The following DMD variants were observed in gnomAD, a reference collection of about 807,000 sequenced individuals.
DMD encodes the protein mutant dystrophin.
DMD carries 63 observed loss-of-function variants against 330.1 expected under a neutral mutation model. The observed-to-expected ratio is 0.19, with a 90% CI of 0.16 to 0.24. The LOEUF is 0.24. DMD is among the 10% of genes least tolerant of loss of function. The pLI is 1.00. For missense variants in DMD, 3,344 were observed against 2,684.1 expected, an observed-to-expected ratio of 1.25 and a Z score of -5.43; for synonymous variants, 1,223 against 959.8, an observed-to-expected ratio of 1.27 and a Z score of -5.07.
chrX:31,864,914 A>T (rs1484845926), intron 48 of DMD, among the ~76,000 whole-genome samples: 1 of 112,216 alleles, frequency 8.9e-6, no homozygotes, highest in African/African-American at 3.2e-5. Context: ...GCCTTATCTA[A>T]CAGAGTCCCA....
At chrX:32,384,780 ATGT>A (rs1224460805) in intron 33 of DMD, among the ~76,000 whole-genome samples, 1 of 110,942 alleles carries the variant, frequency 9.0e-6, no homozygotes, top group Admixed American at 9.6e-5. Context: ...TTTATCAGTG[ATGT>A]TGTTCTATTC....
chrX:32,731,201 G>A (rs913982412), intron 7 of DMD, among the ~76,000 whole-genome samples: 16 of 112,135 alleles, frequency 1.4e-4, no homozygotes, highest in Non-Finnish European at 2.6e-4. Flanking sequence ...GCGTGTTTCC[G>A]ACGGGCTTAA....
intron 44 of DMD, among the ~76,000 whole-genome samples, chrX:32,088,663 G>T (rs1369540620): frequency 1.1e-5 from 1 of 93,918 alleles, no homozygotes; most frequent in Non-Finnish European, 2.1e-5. Context: ...ATATTTAAAT[G>T]AAAATAGCTC....
At chrX:32,957,495 G>T (rs2146998186) in intron 2 of DMD, among the ~76,000 whole-genome samples, 1 of 111,571 alleles carries the variant, frequency 9.0e-6, no homozygotes, top group African/African-American at 3.2e-5. Flanking sequence ...GGCTTGGTTT[G>T]TGGTCAAGAT....
intron 5 of DMD, among the ~76,000 whole-genome samples, chrX:32,821,723 G>A (rs1240451485): frequency 8.9e-6 from 1 of 111,746 alleles, no homozygotes; most frequent in African/African-American, 3.2e-5. Context: ...AAAAGAACAT[G>A]TATTATATTG....
chrX:31,440,240 C>T (rs1289878431), intron 60 of DMD, among the ~76,000 whole-genome samples: 3 of 108,677 alleles, frequency 2.8e-5, no homozygotes, highest in Non-Finnish European at 3.8e-5. Context: ...ATCCGCCTCC[C>T]GGGTTCAAGC....
chrX:32,712,841 T>A, intron 7 of DMD, among the ~76,000 whole-genome samples: 1 of 111,761 alleles, frequency 8.9e-6, no homozygotes, highest in Admixed American at 9.6e-5. Context: ...CTAGGTTTTA[T>A]ATCACCTTAA....
At chrX:32,365,306 A>T (rs760478863) in intron 34 of DMD, 107 bp from the exon 35 acceptor site, 1 of 745,520 alleles carries the variant, frequency 1.3e-6, no homozygotes, top group African/African-American at 2.1e-5. Context: ...AAGGTTTTAA[A>T]CCTATAACTA....
chrX:31,214,933 T>TTTTCTTG (rs2045202748), intron 64 of DMD, among the ~76,000 whole-genome samples: 3 of 47,678 alleles, frequency 6.3e-5, no homozygotes, highest in South Asian at 2.2e-3. Context: ...TTTATTTCTT[T>TTTTCTTG]TTTCTTTTTT....
chrX:33,148,873 G>T (rs115096263), intron 1 of DMD, among the ~76,000 whole-genome samples: 1 of 110,782 alleles, frequency 9.0e-6, no homozygotes, highest in Non-Finnish European at 1.9e-5. Context: ...AGATAGCTGC[G>T]AATTTTTTTG....
At chrX:32,495,353 A>G (rs2148657764) in intron 19 of DMD, among the ~76,000 whole-genome samples, 1 of 111,676 alleles carries the variant, frequency 9.0e-6, no homozygotes, top group South Asian at 3.7e-4. Flanking sequence ...TCAATAGTGT[A>G]CTCTATATGA....
At chrX:33,006,603 T>C (rs12849156) in intron 2 of DMD, among the ~76,000 whole-genome samples, 6,429 of 111,099 alleles carry the variant, frequency 0.058, 232 homozygotes, top group East Asian at 0.2. Context: ...AAAGATCAAG[T>C]TACTGCTACT....
At chrX:33,259,330 G>A (rs186146797) in intron 1 of DMD, among the ~76,000 whole-genome samples, 1 of 109,877 alleles carries the variant, frequency 9.1e-6, no homozygotes, top group East Asian at 2.9e-4. Flanking sequence ...TACAATGTCA[G>A]CCAAAGTCCA....
chrX:33,322,799 T>C (rs2054034788), intron 1 of DMD, among the ~76,000 whole-genome samples: 1 of 111,750 alleles, frequency 8.9e-6, no homozygotes, highest in African/African-American at 3.2e-5. Context: ...TGCTAAAGAG[T>C]TATAATACTG....
In DMD at chrX:31,625,467, C is replaced by A. The variant is rs571371819; in HGVS notation, c.8217+2206G>T. Reference sequence around the variant, plus strand: ...CAAAGATGGAAAAGAGTAGCCTGATCGACACTGGACTTTATGTGAGCAACA... The same window carrying A: ...CAAAGATGGAAAAGAGTAGCCTGATAGACACTGGACTTTATGTGAGCAACA... On this transcript the variant is annotated intron_variant, in intron 55 of 78. Transcript: ENST00000357033. 5.4e-5 allele frequency among the ~76,000 whole-genome samples: 6 copies of A among 111,666 alleles called. No homozygotes were observed. The South Asian group carries it at 1.1e-3, about 21-fold the overall frequency.
chrX:32,684,018 T>C lies in DMD; in HGVS notation c.960+13852A>G, dbSNP rs940534159. Among the ~76,000 whole-genome samples the C allele has an allele frequency of 5.5e-3, 389 of 70,876 alleles. 4 individuals are homozygous for C. Among genetic ancestry groups the C allele is most frequent in the African/African-American group, 0.027 (312 of 11,541 alleles). 61.5% of individuals were successfully genotyped at this position (70,876 alleles called of 115,157 possible). ...CAAAACACACACACACACACATACA[T>C]ACACACACACACACACACACACACA... On this transcript the variant is annotated intron_variant, in intron 9 of 78. Coordinates refer to ENST00000357033, the MANE Select transcript of DMD (RefSeq NM_004006.3).
At chrX:32,530,676 G>A (rs111690316) in intron 17 of DMD, among the ~76,000 whole-genome samples, 1 of 111,692 alleles carries the variant, frequency 9.0e-6, no homozygotes, top group African/African-American at 3.3e-5. Context: ...AAAACACGTG[G>A]GCAAAAACTG....
intron 55 of DMD, among the ~76,000 whole-genome samples, chrX:31,593,065 T>C: frequency 9.0e-6 from 1 of 111,133 alleles, no homozygotes; most frequent in Non-Finnish European, 1.9e-5. Flanking sequence ...GTTACTCATG[T>C]TGAAATATAT....
chrX:31,157,063 C>A (rs1249595462), intron 74 of DMD, among the ~76,000 whole-genome samples: 7 of 111,741 alleles, frequency 6.3e-5, no homozygotes, highest in Non-Finnish European at 9.4e-5. Context: ...TGACCCAATA[C>A]GCTAGGTATG....
Sources: allele counts gnomAD v4.1 joint callset (sites outside exome capture counted in the v4.1 genomes callset), GRCh38; gene constraint gnomAD v4.1.1; transcripts MANE v1.5; gene names NCBI Gene and HGNC (gene_info 2026-07-23, HGNC 2026-07-21).